Variants in E4F1 observed in about 807,000 individuals in gnomAD.
E4F1 encodes E4F transcription factor 1.
Under a neutral mutation model 72.9 loss-of-function variants are expected in E4F1, and 30 were observed. The observed-to-expected ratio is 0.41, with a 90% confidence interval of 0.31 to 0.56. E4F1 has a LOEUF of 0.56. Among genes scored for constraint, E4F1 ranks in the 20% least tolerant of loss-of-function variants. The pLI is 0.25. For synonymous variants in E4F1, 542 were observed against 478.2 expected, an observed-to-expected ratio of 1.13 and a Z score of -1.74; for missense variants, 1,091 against 1,117.5, an observed-to-expected ratio of 0.98 and a Z score of 0.34.
chr16:2,235,101 G>C lies in E4F1; in HGVS notation c.1956G>C (p.Glu652Asp). 6.2e-7 allele frequency: 1 copy of C among 1,612,494 alleles called. No individual in the cohort carries two copies. ...YIIEATADDA[E>D]TSEATEIIEG... Reference sequence around the variant, plus strand: ...CCCAGGCCACTGCGGACGATGCGGAGACCAGTGAGGCCACGGAGATCATCG... The same window carrying C: ...CCCAGGCCACTGCGGACGATGCGGACACCAGTGAGGCCACGGAGATCATCG... Residue 652 changes from glutamate to aspartate, a missense_variant, in exon 13 of 14, where the codon GAG becomes GAC. Glu to Asp is a conservative substitution (Grantham distance 45, BLOSUM62 2). Transcript: ENST00000301727.
At chr16:2,225,767 C>T (rs1612140) in intron 1 of E4F1, among the ~76,000 whole-genome samples, 11,755 of 143,920 alleles carry the variant, frequency 0.082, 1,641 homozygotes, top group African/African-American at 0.29. Flanking sequence ...CCACCGTGCC[C>T]GGCTCCTCCC....
rs1655478630 is a variant in E4F1, at chr16:2,233,952, C to T, written c.1337C>T (p.Thr446Ile). Reference protein sequence around the residue: ...PCPQCSETFPTAATLEAHKRG... With the variant: ...PCPQCSETFPIAATLEAHKRG... ...CCTCAGTGCAGTGAGACCTTCCCGA[C>T]AGCAGCCACCCTGGAGGCCCACAAG... Residue 446 changes from threonine to isoleucine, a missense_variant, in exon 9 of 14, where the codon ACA (threonine) becomes ATA (isoleucine). Physicochemically the swap from Thr to Ile is moderately conservative, Grantham distance 89. Around this residue, in one of 5 missense-constraint regions of E4F1, gnomAD observed 622 missense variants for 628.0 expected, o/e 0.99. Transcript: ENST00000301727. 1 of 1,601,144 alleles carries T rather than the reference C, an allele frequency of 6.2e-7. No individual in the cohort carries two copies.
chr16:2,234,568 C>A lies in E4F1; in HGVS notation c.1594-15C>A. The A allele has an allele frequency of 6.4e-7, 1 of 1,569,448 alleles. No individual in the cohort carries two copies. The highest frequency in any genetic ancestry group is 1.2e-5 in the South Asian group (1 of 86,644). ...GTGGCCAAGGCCAGGCTGGCACTGA[C>A]AGGTGTCTCCACAGAACGCACAGCA... On this transcript the variant is annotated splice_polypyrimidine_tract_variant and intron_variant, in intron 10 of 13. Transcript: ENST00000301727.
Position 2,229,599 on chromosome 16 carries a change from G to A in E4F1, c.339G>A (p.Glu113=), listed in dbSNP as rs781712464. 2.7e-5 allele frequency: 44 copies of A among 1,612,314 alleles called. No homozygotes were observed. The highest frequency in any genetic ancestry group is 3.5e-5 in the Non-Finnish European group (41 of 1,179,982). The change falls in exon 3 of 14, where the codon GAG becomes GAA. Residue 113 remains glutamate (E), a synonymous_variant. Coordinates refer to ENST00000301727, the MANE Select transcript of E4F1 (RefSeq NM_004424.5). ...EVVPAAPGPE[E]PITVAHIVVE... is the part of the protein sequence containing the mutation. ...TGCCGGCAGCACCAGGCCCAGAGGA[G>A]CCCATCACTGTGGCCCACATCGTGG...
At chr16:2,234,829 G>T in intron 11 of E4F1, 30 bp from the exon 12 acceptor site, 1 of 1,547,116 alleles carries the variant, frequency 6.5e-7, no homozygotes, top group South Asian at 1.2e-5. Flanking sequence ...GCCGGGGCTT[G>T]CCTAGCCCTG....
At chr16:2,233,395 G>A (rs746759448) in intron 7 of E4F1, 43 bp from the exon 8 acceptor site, 10 of 1,485,966 alleles carry the variant, frequency 6.7e-6, no homozygotes, top group Non-Finnish European at 8.9e-6. Flanking sequence ...GGTGCTGGAT[G>A]CCAGGCTGCC....
At chr16:2,228,341 C>T (rs765688041) in intron 1 of E4F1, 31 bp from the exon 2 acceptor site, 2 of 1,613,092 alleles carry the variant, frequency 1.2e-6, no homozygotes, top group South Asian at 1.1e-5. Flanking sequence ...CTCCGCCTTC[C>T]CAGGCCCTGC....
In E4F1 at chr16:2,223,707, G is replaced by T; in HGVS notation, c.94G>T (p.Ala32Ser). Residue 32 changes from alanine to serine, a missense_variant, in exon 1 of 14, where the codon GCG becomes TCG. Ala to Ser is a moderately conservative substitution (Grantham distance 99). Coordinates refer to ENST00000301727, the MANE Select transcript of E4F1 (RefSeq NM_004424.5). ...GREAGEGAVA[A>S]VAAALAPSGF... The stretch of plus-strand genomic sequence containing the variant: ...GGAAGCGGGCGAGGGTGCAGTTGCG[G>T]CGGTGGCGGCGGCCTTGGCCCCCAG... 6.4e-7 allele frequency: 1 copy of T among 1,561,718 alleles called. No homozygotes were observed.
chr16:2,234,206 G>C lies in E4F1; in HGVS notation c.1411G>C (p.Ala471Pro). Residue 471 changes from alanine to proline, a missense_variant, in exon 10 of 14, where the codon GCC becomes CCC. Physicochemically the swap from Ala to Pro is conservative, Grantham distance 27. Around this residue, in one of 5 missense-constraint regions of E4F1, gnomAD observed 622 missense variants for 628.0 expected, o/e 0.99. Coordinates refer to ENST00000301727, the MANE Select transcript of E4F1 (RefSeq NM_004424.5). ...GTTCGCCTGCGCGCAGTGTGGCAAG[G>C]CCTTCCCCAAGGCCTACCTGCTCAA... The part of the protein sequence containing the change: ...RPFACAQCGK[A>P]FPKAYLLKKH... 2 of 1,612,638 alleles carry C rather than the reference G, an allele frequency of 1.2e-6. No homozygotes were observed. Among genetic ancestry groups the C allele is most frequent in the Non-Finnish European group, 1.7e-6 (2 of 1,179,926 alleles).
chr16:2,232,305 C>T lies in E4F1; in HGVS notation c.550C>T (p.Leu184=), dbSNP rs778183040. 6.2e-7 allele frequency: 1 copy of T among 1,610,846 alleles called. No individual in the cohort carries two copies. Among genetic ancestry groups the T allele is most frequent in the South Asian group, 1.1e-5 (1 of 90,756 alleles). ...AGEGEQAQVK[L]LVNKDGRYVC... is the part of the protein sequence containing the mutation. ...GGAGGGTGAGCAGGCCCAGGTGAAG[C>T]TACTGGTGAACAAGGATGGCCGCTA... The change falls in exon 4 of 14, where the codon CTA becomes TTA. Residue 184 remains leucine, a synonymous_variant. Transcript: ENST00000301727.
intron 1 of E4F1, among the ~76,000 whole-genome samples, chr16:2,225,796 A>G (rs2093428115): frequency 6.9e-6 from 1 of 145,534 alleles, no homozygotes; most frequent in Non-Finnish European, 1.5e-5. Flanking sequence ...TTTAGGAAAA[A>G]AAAAAAAAAA....
intron 5 of E4F1, 68 bp downstream of exon 5, chr16:2,232,644 C>G: frequency 6.2e-7 from 1 of 1,603,932 alleles, no homozygotes; most frequent in East Asian, 2.2e-5. Context: ...GTGCCCCAGC[C>G]TCGCATTCCC....
At position 2,235,124 on chromosome 16, in the gene E4F1, T is replaced by C. The variant is rs745315027; in HGVS notation, c.1979T>C (p.Ile660Thr). ...DAETSEATEIIEGTQTEVDSH... is the reference protein window; with the variant it reads ...DAETSEATEITEGTQTEVDSH... ...GAGACCAGTGAGGCCACGGAGATCA[T>C]CGAGGGCACCCAGACAGAGGTGAGG... is the stretch of plus-strand genomic sequence containing the variant. The change falls in exon 13 of 14, where the codon ATC (isoleucine) becomes ACC (threonine). Residue 660 changes from isoleucine to threonine, a missense_variant. By Grantham distance (89) the Ile-to-Thr change is moderately conservative. Transcript: ENST00000301727. The C allele has an allele frequency of 1.5e-5, 24 of 1,611,264 alleles. No individual in the cohort carries two copies. Among genetic ancestry groups the C allele is most frequent in the Non-Finnish European group, 2.0e-5 (24 of 1,179,708 alleles).
rs767053981 is a variant in E4F1, at chr16:2,233,927, C to T, written c.1312C>T (p.Pro438Ser). The stretch of plus-strand genomic sequence containing the variant: ...AGCGGTGCCCAGGACCCACCCATGT[C>T]CTCAGTGCAGTGAGACCTTCCCGAC... ...ASAVPRTHPCPQCSETFPTAA... is the reference protein window; with the variant it reads ...ASAVPRTHPCSQCSETFPTAA... The change falls in exon 9 of 14, where the codon CCT (proline) becomes TCT (serine). Residue 438 changes from proline (P) to serine (S), a missense_variant. Transcript: ENST00000301727. 36 of 1,603,952 alleles carry T rather than the reference C, an allele frequency of 2.2e-5. No individual in the cohort carries two copies. The Admixed American group carries it at 5.6e-4, about 25-fold the overall frequency.
At chr16:2,228,597 T>C in intron 2 of E4F1, 74 bp downstream of exon 2, 1 of 1,547,432 alleles carries the variant, frequency 6.5e-7, no homozygotes, top group South Asian at 1.2e-5. Context: ...CGCTTCAGGA[T>C]GGACCTGTGC....
intron 3 of E4F1, 89 bp downstream of exon 3, chr16:2,229,764 T>C: frequency 7.1e-7 from 1 of 1,415,910 alleles, no homozygotes; most frequent in Admixed American, 1.8e-5. Flanking sequence ...TGCTCGTCTC[T>C]CCCGAGACCA....
Position 2,232,452 on chromosome 16 carries a change from A to G in E4F1, c.610-4A>G. The G allele has an allele frequency of 6.2e-7, 1 of 1,610,326 alleles. No individual in the cohort carries two copies. Among genetic ancestry groups the G allele is most frequent in the Non-Finnish European group, 8.5e-7 (1 of 1,178,932 alleles). On this transcript the variant is annotated splice_region_variant and splice_polypyrimidine_tract_variant and intron_variant, in intron 4 of 13. Coordinates refer to ENST00000301727, the MANE Select transcript of E4F1 (RefSeq NM_004424.5). ...GCCCTGAGCTGCCACGCCCTCCCCC[A>G]CAGGGCAGCATCCTCAAGGCCCACA...
At chr16:2,225,872 G>T (rs1313476429) in intron 1 of E4F1, among the ~76,000 whole-genome samples, 2 of 151,820 alleles carry the variant, frequency 1.3e-5, no homozygotes, top group Non-Finnish European at 2.9e-5. Context: ...GAGACGGGCG[G>T]ATCCCGAGGT....
Position 2,229,649 on chromosome 16 carries a change from A to C in E4F1, c.389A>C (p.Asp130Ala). The change falls in exon 3 of 14, where the codon GAC becomes GCC. Residue 130 changes from aspartate to alanine, a missense_variant. Transcript: ENST00000301727. The part of the protein sequence containing the change: ...IVVEAASLAA[D>A]ISHASDLVGG... ...GTGGAGGCGGCCTCTCTGGCAGCAG[A>C]CATCAGCCACGCATCTGACCTTGTT... The C allele has an allele frequency of 6.2e-7, 1 of 1,613,050 alleles. No homozygotes were observed. Among genetic ancestry groups the C allele is most frequent in the South Asian group, 1.1e-5 (1 of 91,076 alleles).
Sources: gnomAD v4.1 joint callset for allele counts (sites outside exome capture counted in the v4.1 genomes callset) on GRCh38, gnomAD v4.1.1 for gene constraint, gnomAD v4.1.1 regional missense constraint, MANE v1.5 for transcripts, NCBI Gene and HGNC (gene_info 2026-07-23, HGNC 2026-07-21) for gene names.